Variants in CEP162 observed in about 807,000 individuals in gnomAD.
The protein encoded by CEP162 is centrosomal protein of 162 kDa.
Under a neutral mutation model 169.2 loss-of-function variants are expected in CEP162, and 141 were observed. That is an observed-to-expected ratio of 0.83 (90% CI 0.73 to 0.96). The LOEUF (loss-of-function observed/expected upper bound fraction) is 0.96, where lower values mean the gene tolerates loss of function less well. CEP162 is among the 40% of genes least tolerant of loss of function. The probability of loss-of-function intolerance (pLI) is 0.00; values close to 1 mark genes in which losing one functional copy is unlikely to be tolerated. For synonymous variants in CEP162, 540 were observed against 526.4 expected (o/e 1.03, Z -0.35); for missense variants, 1,600 against 1,587.2 (o/e 1.01, Z -0.14).
chr6:84,134,750 T>C (rs1429680532), intron 25 of CEP162, among the ~76,000 whole-genome samples: 1 of 152,162 alleles, frequency 6.6e-6, no homozygotes, highest in Non-Finnish European at 1.5e-5. Context: ...TCCTTCTGTG[T>C]TGATCTCACT....
In CEP162 at chr6:84,174,055, T is replaced by A; in HGVS notation, c.2159A>T (p.Tyr720Phe). The change falls in exon 16 of 27, where the codon TAT becomes TTT. Residue 720 changes from tyrosine (Y) to phenylalanine (F), a missense_variant. By Grantham distance (22) the Tyr-to-Phe change is conservative. Transcript: ENST00000403245. ...IQEQETLLQG[Y>F]QQENERLYNQ... ...GTTGAAGAATTGCCATACCTGTTGA[T>A]ATCCTTGAAGAAGTGTCTCTTGTTC... 1 of 1,610,692 alleles carries A rather than the reference T, an allele frequency of 6.2e-7. No individual in the cohort carries two copies. The highest frequency in any genetic ancestry group is 8.5e-7 in the Non-Finnish European group (1 of 1,178,816).
At chr6:84,127,963 C>T (rs1206720674) in intron 25 of CEP162, among the ~76,000 whole-genome samples, 1 of 152,154 alleles carries the variant, frequency 6.6e-6, no homozygotes, top group Non-Finnish European at 1.5e-5. Flanking sequence ...ATGTGCTAGG[C>T]ATTAGGCTGA....
intron 13 of CEP162, among the ~76,000 whole-genome samples, chr6:84,180,246 CAT>C (rs1465652446): frequency 6.6e-6 from 1 of 152,140 alleles, no homozygotes; most frequent in Non-Finnish European, 1.5e-5. Context: ...ACAAAAACCA[CAT>C]GATTATCTCA....
In CEP162 at chr6:84,171,598, G is replaced by T. The variant is rs761601338; in HGVS notation, c.2279+8C>A. The T allele has an allele frequency of 2.8e-5, 33 of 1,192,192 alleles. No individual in the cohort carries two copies. Among genetic ancestry groups the T allele is most frequent in the Non-Finnish European group, 1.2e-6 (1 of 864,842 alleles). The allele number at this position is 1,192,192 out of a possible 1,614,324, so 73.9% of individuals were successfully genotyped here. A position where few individuals can be genotyped will look rare whatever the true frequency, so the allele number is the denominator to read the frequency against. On this transcript the variant is annotated splice_region_variant and intron_variant, in intron 17 of 26. Transcript: ENST00000403245. Reference sequence around the variant, plus strand: ...ATATTTGATTTTAAGAAGTTCAAAAGGACTTACTTTAAGGAAGCTACCTCA... The same window carrying T: ...ATATTTGATTTTAAGAAGTTCAAAATGACTTACTTTAAGGAAGCTACCTCA...
chr6:84,149,934 G>A (rs1172604858), intron 23 of CEP162, among the ~76,000 whole-genome samples: 2 of 143,610 alleles, frequency 1.4e-5, no homozygotes, highest in Admixed American at 1.3e-4. Flanking sequence ...TGAGGAAATA[G>A]TGATATATCT....
chr6:84,151,301 G>A (rs2099521002), intron 23 of CEP162, among the ~76,000 whole-genome samples: 2 of 151,992 alleles, frequency 1.3e-5, no homozygotes, highest in South Asian at 4.1e-4. Context: ...GAAGATTGGA[G>A]TGGGAAAATT....
intron 25 of CEP162, among the ~76,000 whole-genome samples, chr6:84,139,451 A>G (rs2099515585): frequency 6.6e-6 from 1 of 152,142 alleles, no homozygotes; most frequent in African/African-American, 2.4e-5. Flanking sequence ...TTCTCTTGTT[A>G]ATCTGTCTTT....
At position 84,161,840 on chromosome 6, in the gene CEP162, C is replaced by T. The variant is rs1206736224; in HGVS notation, c.2582G>A (p.Arg861Lys). Reference sequence around the variant, plus strand: ...CTGATTTTCAGCATACCACTGTAATCTTTTTTGCAGACGACTGATTTCTTG... The same window carrying T: ...CTGATTTTCAGCATACCACTGTAATTTTTTTTGCAGACGACTGATTTCTTG... ...HKQEISRLQKRLQWYAENQEL... is the reference protein window; with the variant it reads ...HKQEISRLQKKLQWYAENQEL... The change falls in exon 20 of 27, where the codon AGA becomes AAA. Residue 861 changes from arginine to lysine, a missense_variant. By Grantham distance (26) the Arg-to-Lys change is conservative. Transcript: ENST00000403245. The T allele has an allele frequency of 1.3e-6, 2 of 1,592,566 alleles. No individual in the cohort carries two copies. The highest frequency in any genetic ancestry group is 1.7e-6 in the Non-Finnish European group (2 of 1,166,522).
At chr6:84,189,399 T>C (rs2099538724) in intron 11 of CEP162, among the ~76,000 whole-genome samples, 1 of 152,114 alleles carries the variant, frequency 6.6e-6, no homozygotes, top group South Asian at 2.1e-4. Context: ...CGGGGCTGCG[T>C]GCGGCGCTTG....
chr6:84,226,365 T>A lies in CEP162; in HGVS notation c.29A>T (p.Asp10Val). The A allele has an allele frequency of 1.3e-6, 2 of 1,567,724 alleles. No individual in the cohort carries two copies. Among genetic ancestry groups the A allele is most frequent in the Non-Finnish European group, 1.7e-6 (2 of 1,153,580 alleles). The part of the protein sequence containing the change: MANCSQEEL[D>V]EEFEQFMKEL... The stretch of plus-strand genomic sequence containing the variant: ...TTTCATAAACTGTTCAAACTCTTCA[T>A]CTAGCTCTTCTTGGGAACAGTTAGC... The change falls in exon 2 of 27, where the codon GAT becomes GTT. Residue 10 changes from aspartate to valine, a missense_variant. Asp to Val is a radical substitution (Grantham distance 152). Coordinates refer to ENST00000403245, the MANE Select transcript of CEP162 (RefSeq NM_014895.4).
chr6:84,174,150 C>T lies in CEP162; in HGVS notation c.2064G>A (p.Trp688Ter). 6.2e-7 allele frequency: 1 copy of T among 1,608,846 alleles called. No homozygotes were observed. Among genetic ancestry groups the T allele is most frequent in the Non-Finnish European group, 8.5e-7 (1 of 1,177,058 alleles). ...GATCAGCTGCTTCTCCAAAATGTAA[C>T]CACCTTTGTTTTTTGTTTGTTTCTT... ...SFEETNKKQR[W>*]LHFGEAADPV... The change falls in exon 16 of 27, where the codon TGG becomes TGA. Residue 688 changes from tryptophan to a stop codon, truncating the protein, a stop_gained. Transcript: ENST00000403245. LOFTEE classifies it high-confidence loss of function.
At chr6:84,196,782 T>C (rs2099542350) in intron 9 of CEP162, among the ~76,000 whole-genome samples, 1 of 152,150 alleles carries the variant, frequency 6.6e-6, no homozygotes, top group South Asian at 2.1e-4. Flanking sequence ...AAGTGGTACA[T>C]ATAAGATTGT....
At chr6:84,181,156 T>A (rs115285495) in intron 13 of CEP162, among the ~76,000 whole-genome samples, 1 of 151,416 alleles carries the variant, frequency 6.6e-6, no homozygotes, top group Non-Finnish European at 1.5e-5. Context: ...AAAACAGAGA[T>A]AGAGACCAAT....
chr6:84,182,660 C>A (rs1291026565), intron 13 of CEP162, among the ~76,000 whole-genome samples: 2 of 152,132 alleles, frequency 1.3e-5, no homozygotes, highest in African/African-American at 4.8e-5. Flanking sequence ...TTTCACCCTA[C>A]CTCATGGACA....
chr6:84,179,183 G>A (rs753539719), intron 13 of CEP162, among the ~76,000 whole-genome samples: 1 of 152,152 alleles, frequency 6.6e-6, no homozygotes, highest in Non-Finnish European at 1.5e-5. Flanking sequence ...CCCAGTAATG[G>A]GATGGCTGGT....
chr6:84,179,566 C>A lies in CEP162; in HGVS notation c.1664-4219G>T, dbSNP rs911251415. 9.2e-5 allele frequency among the ~76,000 whole-genome samples: 14 copies of A among 152,056 alleles called. No homozygotes were observed. The South Asian group carries it at 2.7e-3, about 29-fold the overall frequency. On this transcript the variant is annotated intron_variant, in intron 13 of 26. Coordinates refer to ENST00000403245, the MANE Select transcript of CEP162 (RefSeq NM_014895.4). ...GTTCTTTGTAGATTCTGGATATTAG[C>A]CCTTTGTCAGATGAGTAGATTGCAA... is the stretch of plus-strand genomic sequence containing the variant.
intron 6 of CEP162, among the ~76,000 whole-genome samples, chr6:84,208,019 A>ATTTTT (rs375738078): frequency 1.4e-4 from 18 of 132,900 alleles, no homozygotes; most frequent in African/African-American, 3.9e-4. Flanking sequence ...AGGTTGATTG[A>ATTTTT]TTTTTTTTTT....
At chr6:84,189,272 T>C (rs548731134) in intron 11 of CEP162, among the ~76,000 whole-genome samples, 1 of 152,254 alleles carries the variant, frequency 6.6e-6, no homozygotes, top group African/African-American at 2.4e-5. Flanking sequence ...TTGGTGGTAT[T>C]TGAGGAGCCC....
At position 84,124,814 on chromosome 6, in the gene CEP162, T is replaced by C. The variant is rs2099508266; in HGVS notation, c.*256A>G. On this transcript the variant is annotated 3_prime_UTR_variant, in exon 27 of 27. Coordinates refer to ENST00000403245, the MANE Select transcript of CEP162 (RefSeq NM_014895.4). ...TTTCTTTCTATTTCTAGCATACAAG[T>C]GAGCCCTTCTCTGCTATAAAGGAAA... The C allele has an allele frequency of 2.2e-6, 1 of 456,696 alleles. No individual in the cohort carries two copies. The highest frequency in any genetic ancestry group is 3.8e-6 in the Non-Finnish European group (1 of 261,702). 28.3% of individuals were successfully genotyped at this position (456,696 alleles called of 1,614,324 possible).
Sources: allele counts gnomAD v4.1 joint callset (sites outside exome capture counted in the v4.1 genomes callset), GRCh38; gene constraint gnomAD v4.1.1; transcripts MANE v1.5; gene names NCBI Gene and HGNC (gene_info 2026-07-23, HGNC 2026-07-21).